Variants in GLIS3 observed in about 807,000 individuals in gnomAD.
The protein encoded by GLIS3 is zinc finger protein GLIS3.
In GLIS3, 53 loss-of-function variants were observed where a neutral mutation model predicts 78.6. The ratio of observed to expected loss-of-function variants is 0.67; its 90% CI spans 0.54 to 0.85. The LOEUF is 0.85. Ranked by LOEUF, GLIS3 falls within the 40% of genes least tolerant of loss-of-function variation. GLIS3 has a pLI of 0.00. For missense variants in GLIS3, 1,703 were observed against 1,231.1 expected (o/e 1.38, Z -5.74); for synonymous variants, 684 against 509.9 (o/e 1.34, Z -4.60).
At chr9:4,251,895 T>C (rs1157302894) in intron 2 of GLIS3, among the ~76,000 whole-genome samples, 2 of 152,226 alleles carry the variant, frequency 1.3e-5, no homozygotes, top group Non-Finnish European at 2.9e-5. Flanking sequence ...AAATTCTGGG[T>C]TGAAAATTCT....
At chr9:4,238,849 G>C (rs1823023593) in intron 2 of GLIS3, among the ~76,000 whole-genome samples, 1 of 152,122 alleles carries the variant, frequency 6.6e-6, no homozygotes, top group East Asian at 1.9e-4. Flanking sequence ...ATGACCAGCA[G>C]AGAGATGGAC....
At chr9:4,446,504 ATT>A in the GLIS3 span, among the ~76,000 whole-genome samples, 480 of 124,088 alleles carry the variant, frequency 3.9e-3, 1 homozygote, top group Non-Finnish European at 4.6e-3. Context: ...AAATATCCAA[ATT>A]TTTTTTTTTT....
the GLIS3 span, among the ~76,000 whole-genome samples, chr9:4,409,551 G>A: frequency 1.1e-4 from 17 of 152,114 alleles, no homozygotes; most frequent in African/African-American, 4.1e-4. Context: ...CTAGTATAAT[G>A]ATAATTATGG....
the GLIS3 span, among the ~76,000 whole-genome samples, chr9:4,457,547 G>A: frequency 1.3e-5 from 2 of 151,756 alleles, no homozygotes; most frequent in Non-Finnish European, 2.9e-5. Flanking sequence ...ATCAAATAAC[G>A]ACTTAAAATG....
At chr9:4,399,151 G>C in the GLIS3 span, among the ~76,000 whole-genome samples, 4 of 152,298 alleles carry the variant, frequency 2.6e-5, no homozygotes, top group East Asian at 7.7e-4. Context: ...ATAGCTAGAA[G>C]GAGGATATTG....
At chr9:3,962,689 G>A (rs558862979) in intron 4 of GLIS3, among the ~76,000 whole-genome samples, 22 of 152,246 alleles carry the variant, frequency 1.4e-4, no homozygotes, top group South Asian at 4.1e-4. Flanking sequence ...AGTAAATAGG[G>A]AGAAACAAGA....
the GLIS3 span, among the ~76,000 whole-genome samples, chr9:4,361,073 T>C: frequency 6.6e-6 from 1 of 152,196 alleles, no homozygotes; most frequent in East Asian, 1.9e-4. Context: ...CTCAACACTA[T>C]TGTTATTGGA....
At chr9:4,378,600 C>G in the GLIS3 span, among the ~76,000 whole-genome samples, 1 of 152,020 alleles carries the variant, frequency 6.6e-6, no homozygotes, top group Non-Finnish European at 1.5e-5. Context: ...GGTACAATAA[C>G]TATATATATA....
the GLIS3 span, among the ~76,000 whole-genome samples, chr9:4,465,797 G>A: frequency 2.0e-5 from 3 of 151,994 alleles, no homozygotes; most frequent in Non-Finnish European, 4.4e-5. Context: ...TCTGCCTCTG[G>A]CTCTAACTAA....
chr9:4,100,367 G>C (rs964020378), intron 4 of GLIS3, among the ~76,000 whole-genome samples: 3 of 152,314 alleles, frequency 2.0e-5, no homozygotes, highest in East Asian at 1.9e-4. Flanking sequence ...ACATGAGAGA[G>C]AGTATTTGTA....
At chr9:4,220,558 C>A (rs1296545030) in intron 2 of GLIS3, among the ~76,000 whole-genome samples, 1 of 152,058 alleles carries the variant, frequency 6.6e-6, no homozygotes, top group Non-Finnish European at 1.5e-5. Flanking sequence ...CTGGGCCTCA[C>A]CATGAGGCAA....
chr9:4,285,505 G>A (rs1827907474), intron 2 of GLIS3: 2 of 152,230 alleles, frequency 1.3e-5, no homozygotes, highest in Middle Eastern at 3.4e-3. Flanking sequence ...AAAATTACAG[G>A]CTTTGCTCTT....
At chr9:4,398,652 C>G in the GLIS3 span, among the ~76,000 whole-genome samples, 3 of 151,996 alleles carry the variant, frequency 2.0e-5, no homozygotes, top group Non-Finnish European at 4.4e-5. Flanking sequence ...CTATCATTCT[C>G]TGGACTGTGA....
intron 6 of GLIS3, among the ~76,000 whole-genome samples, chr9:3,920,616 T>TG (rs1284144564): frequency 2.6e-5 from 4 of 151,238 alleles, no homozygotes; most frequent in East Asian, 1.9e-4. Context: ...CAGGTTTTTT[T>TG]TTTTTTTTTT....
At chr9:3,848,425 C>T (rs1363822215) in intron 9 of GLIS3, among the ~76,000 whole-genome samples, 1 of 152,214 alleles carries the variant, frequency 6.6e-6, no homozygotes, top group Non-Finnish European at 1.5e-5. Context: ...TCGCTTGAAT[C>T]CAGGAGGCGG....
chr9:4,227,313 A>C (rs1042303052), intron 2 of GLIS3, among the ~76,000 whole-genome samples: 2 of 152,128 alleles, frequency 1.3e-5, no homozygotes, highest in Non-Finnish European at 2.9e-5. Flanking sequence ...TACCAAAAAA[A>C]AAAAAAAAAA....
intron 4 of GLIS3, among the ~76,000 whole-genome samples, chr9:3,969,015 G>A (rs1349880623): frequency 6.6e-6 from 1 of 152,258 alleles, no homozygotes. Context: ...TTTTTCCATT[G>A]TGTCACAGAA....
chr9:4,317,276 C>T (rs1817450161), intron 2 of GLIS3, among the ~76,000 whole-genome samples: 1 of 152,200 alleles, frequency 6.6e-6, no homozygotes, highest in East Asian at 1.9e-4. Context: ...CAATCCTTAG[C>T]ACAGCCTTTC....
At chr9:4,101,498 T>A (rs1160137237) in intron 4 of GLIS3, among the ~76,000 whole-genome samples, 1 of 152,202 alleles carries the variant, frequency 6.6e-6, no homozygotes, top group Non-Finnish European at 1.5e-5. Flanking sequence ...TGCTACTAGT[T>A]GTTCTAAACA....
Sources: allele counts gnomAD v4.1 joint callset (sites outside exome capture counted in the v4.1 genomes callset), GRCh38; gene constraint gnomAD v4.1.1; transcripts MANE v1.5; gene names NCBI Gene and HGNC (gene_info 2026-07-23, HGNC 2026-07-21).